The following DLG2 variants were observed in gnomAD, a reference collection of about 807,000 sequenced individuals.
The protein encoded by DLG2 is discs large MAGUK scaffold protein 2, also known as disks large homolog 2.
In DLG2, 45 loss-of-function variants were observed where a neutral mutation model predicts 132.5. That is an observed-to-expected ratio of 0.34 (90% CI 0.27 to 0.44). The LOEUF (loss-of-function observed/expected upper bound fraction) is 0.44, where lower values mean the gene tolerates loss of function less well. Ranked by LOEUF, DLG2 falls within the 20% of genes least tolerant of loss-of-function variation. The probability of loss-of-function intolerance (pLI) is 1.00; values close to 1 mark genes in which losing one functional copy is unlikely to be tolerated. For missense variants in DLG2, 1,045 were observed against 1,196.9 expected, an observed-to-expected ratio of 0.87 and a Z score of 1.87; for synonymous variants, 424 against 419.6, an observed-to-expected ratio of 1.01 and a Z score of -0.13.
At chr11:85,368,772 T>C (rs946005828) in intron 3 of DLG2, among the ~76,000 whole-genome samples, 2 of 152,198 alleles carry the variant, frequency 1.3e-5, no homozygotes, top group South Asian at 4.1e-4. Flanking sequence ...AGCTTCTAAC[T>C]GAGACAACCA....
intron 10 of DLG2, among the ~76,000 whole-genome samples, chr11:84,074,300 C>T (rs118151419): frequency 0.01 from 1,581 of 152,190 alleles, 12 homozygotes; most frequent in Non-Finnish European, 0.015. Flanking sequence ...CCTCTACATC[C>T]AATCCATTAA....
At chr11:83,749,991 G>T (rs1448638936) in intron 18 of DLG2, among the ~76,000 whole-genome samples, 1 of 152,208 alleles carries the variant, frequency 6.6e-6, no homozygotes, top group Non-Finnish European at 1.5e-5. Flanking sequence ...TCAGGATCAG[G>T]TTGTTATGAA....
At chr11:85,070,643 G>A (rs2154166731) in intron 6 of DLG2, among the ~76,000 whole-genome samples, 1 of 151,826 alleles carries the variant, frequency 6.6e-6, no homozygotes, top group Non-Finnish European at 1.5e-5. Flanking sequence ...TCTAGGTACT[G>A]GAAATTGAAC....
chr11:84,842,877 T>C (rs144690318), intron 6 of DLG2, among the ~76,000 whole-genome samples: 28 of 152,040 alleles, frequency 1.8e-4, no homozygotes, highest in African/African-American at 6.5e-4. Context: ...CCACCACCAT[T>C]TCTATCCCAA....
intron 15 of DLG2, among the ~76,000 whole-genome samples, chr11:83,891,414 G>T (rs1332581169): frequency 3.3e-5 from 5 of 152,154 alleles, no homozygotes; most frequent in Non-Finnish European, 7.4e-5. Context: ...CATGAAACAG[G>T]GAGTACTGCT....
intron 15 of DLG2, among the ~76,000 whole-genome samples, chr11:83,916,340 A>G (rs2076924095): frequency 6.6e-6 from 1 of 151,944 alleles, no homozygotes. Context: ...TTTGAGACAA[A>G]AGTCTTGCTC....
At chr11:83,784,418 A>T (rs1364764507) in intron 18 of DLG2, among the ~76,000 whole-genome samples, 2 of 152,226 alleles carry the variant, frequency 1.3e-5, no homozygotes. Context: ...TGTTGCCATT[A>T]CCACATTTCC....
intron 18 of DLG2, among the ~76,000 whole-genome samples, chr11:83,729,972 T>C (rs989061680): frequency 1.3e-5 from 2 of 152,064 alleles, no homozygotes; most frequent in African/African-American, 2.4e-5. Context: ...AACCGCTTTA[T>C]AGAACCAAAA....
intron 7 of DLG2, among the ~76,000 whole-genome samples, chr11:84,444,210 G>A (rs1167556456): frequency 6.6e-6 from 1 of 151,966 alleles, no homozygotes; most frequent in East Asian, 1.9e-4. Flanking sequence ...CATACACTGG[G>A]GCCTATCGGG....
chr11:85,348,598 C>A (rs1220213375), intron 3 of DLG2, among the ~76,000 whole-genome samples: 1 of 152,044 alleles, frequency 6.6e-6, no homozygotes, highest in Non-Finnish European at 1.5e-5. Flanking sequence ...AAATTCAATG[C>A]CCCAAACTGA....
intron 2 of DLG2, among the ~76,000 whole-genome samples, chr11:85,604,526 T>A (rs1040874469): frequency 7.2e-5 from 11 of 152,196 alleles, no homozygotes; most frequent in Non-Finnish European, 1.6e-4. Context: ...AGATTCATAT[T>A]TTAATTGATG....
At chr11:83,875,260 T>A (rs1448508380) in intron 15 of DLG2, among the ~76,000 whole-genome samples, 1 of 152,268 alleles carries the variant, frequency 6.6e-6, no homozygotes, top group East Asian at 1.9e-4. Flanking sequence ...ATTTTGTAGA[T>A]AAGTAATATA....
intron 8 of DLG2, among the ~76,000 whole-genome samples, chr11:84,168,381 A>G (rs2095722457): frequency 1.3e-5 from 2 of 152,236 alleles, no homozygotes; most frequent in Non-Finnish European, 2.9e-5. Flanking sequence ...ATAAGTAATT[A>G]TGATATAGTT....
rs868583366 is a variant in DLG2 at position 84,083,091 on chromosome 11, C to T, written c.749+15832G>A. On this transcript the variant is annotated intron_variant, in intron 10 of 27. Transcript: ENST00000376104. The stretch of plus-strand genomic sequence containing the variant: ...GGTCAGGAGTTCAAGACCAGCCTGG[C>T]TAACATGGTAAAACCCCATCTCTAT... Among the ~76,000 whole-genome samples, 57 of 152,142 alleles carry T rather than the reference C, an allele frequency of 3.7e-4. No individual in the cohort carries two copies. The Middle Eastern group carries it at 0.017, about 45-fold the overall frequency.
intron 6 of DLG2, among the ~76,000 whole-genome samples, chr11:84,807,603 C>A (rs893169901): frequency 2.6e-5 from 4 of 152,024 alleles, no homozygotes; most frequent in African/African-American, 9.7e-5. Flanking sequence ...CTCTATGCTG[C>A]CTAGAAGAAA....
chr11:83,483,834 G>A (rs903981389), intron 22 of DLG2, among the ~76,000 whole-genome samples: 2 of 152,238 alleles, frequency 1.3e-5, no homozygotes, highest in Non-Finnish European at 2.9e-5. Flanking sequence ...AAGACTTAGA[G>A]GGTTGCATGA....
At chr11:83,948,945 G>A (rs1303818683) in intron 14 of DLG2, among the ~76,000 whole-genome samples, 1 of 152,126 alleles carries the variant, frequency 6.6e-6, no homozygotes, top group Non-Finnish European at 1.5e-5. Flanking sequence ...TGCATAAAGT[G>A]AAAATAATAA....
At chr11:83,548,300 T>A (rs1362329684) in intron 19 of DLG2, among the ~76,000 whole-genome samples, 1 of 152,092 alleles carries the variant, frequency 6.6e-6, no homozygotes, top group African/African-American at 2.4e-5. Flanking sequence ...GGGGAGACTA[T>A]CCTAGATTAT....
chr11:84,946,320 G>C (rs1265376961), intron 6 of DLG2, among the ~76,000 whole-genome samples: 1 of 152,048 alleles, frequency 6.6e-6, no homozygotes, highest in Non-Finnish European at 1.5e-5. Context: ...GGGATGCTCT[G>C]GGTCACACCT....
Sources: allele counts gnomAD v4.1 joint callset (sites outside exome capture counted in the v4.1 genomes callset), GRCh38; gene constraint gnomAD v4.1.1; transcripts MANE v1.5; gene names NCBI Gene and HGNC (gene_info 2026-07-23, HGNC 2026-07-21).